The following FGD5 variants were observed in gnomAD, a reference collection of about 807,000 sequenced individuals.
FGD5 encodes the protein FYVE, RhoGEF and PH domain-containing protein 5.
FGD5 carries 28 observed loss-of-function variants against 133.4 expected under a neutral mutation model. The observed-to-expected ratio is 0.21, with a 90% CI of 0.16 to 0.29. FGD5 has a LOEUF of 0.29. Ranked by LOEUF, FGD5 falls within the 10% of genes least tolerant of loss-of-function variation. FGD5 has a pLI of 1.00. For synonymous variants in FGD5, 810 were observed against 776.5 expected (o/e 1.04, Z -0.72); for missense variants, 1,858 against 1,895.2 (o/e 0.98, Z 0.36).
intron 4 of FGD5, among the ~76,000 whole-genome samples, chr3:14,887,939 G>A (rs566755283): frequency 6.6e-6 from 1 of 152,050 alleles, no homozygotes; most frequent in African/African-American, 2.4e-5. Flanking sequence ...ACCAAGGCGG[G>A]AAGATTGTTT....
chr3:14,893,745 CTTTTTTCTTTTTTTTTTTTTT>C, intron 4 of FGD5, among the ~76,000 whole-genome samples: 1 of 89,140 alleles, frequency 1.1e-5, no homozygotes, highest in South Asian at 3.7e-4. Flanking sequence ...TCTTTCTTTT[CTTTTTTCTTTTTTTTTTTTTT>C]TTTTTTGAGA....
chr3:14,826,914 A>C (rs1447505784), intron 1 of FGD5, among the ~76,000 whole-genome samples: 1 of 152,160 alleles, frequency 6.6e-6, no homozygotes, highest in Non-Finnish European at 1.5e-5. Flanking sequence ...ACTTCCCATG[A>C]GATGGGTTCA....
In FGD5 at chr3:14,864,005, A is replaced by G. The variant is rs1259004675; in HGVS notation, c.2526-123A>G. On this transcript the variant is annotated intron_variant, in intron 1 of 19. Transcript: ENST00000285046. ...TGTGGCTGGGGGTGGGGAAGTAGGAATTTTGTGCCTGAGTCTTACTACTTG... is the reference window on the plus strand; with the variant it reads ...TGTGGCTGGGGGTGGGGAAGTAGGAGTTTTGTGCCTGAGTCTTACTACTTG... The G allele has an allele frequency of 1.5e-5, 21 of 1,382,452 alleles. 1 individual carries two copies. The highest frequency in any genetic ancestry group is 1.4e-4 in the South Asian group (10 of 70,132). 85.6% of individuals were successfully genotyped at this position (1,382,452 alleles called of 1,614,324 possible).
chr3:14,903,989 G>T (rs1575246322), intron 9 of FGD5, among the ~76,000 whole-genome samples: 3 of 152,318 alleles, frequency 2.0e-5, no homozygotes, highest in South Asian at 4.1e-4. Flanking sequence ...GAAATGTCTG[G>T]TGTTTTTCTC....
chr3:14,852,039 G>A (rs1386075363), intron 1 of FGD5, among the ~76,000 whole-genome samples: 2 of 152,134 alleles, frequency 1.3e-5, no homozygotes, highest in African/African-American at 4.8e-5. Flanking sequence ...GTACAGTCTG[G>A]TAGTTCTCAA....
intron 1 of FGD5, among the ~76,000 whole-genome samples, chr3:14,861,828 G>C (rs559243039): frequency 1.3e-5 from 2 of 152,264 alleles, no homozygotes; most frequent in African/African-American, 4.8e-5. Context: ...GAGCTCTTGG[G>C]GCCAAATCCC....
rs751514311 is a variant in FGD5 at position 14,922,580 on chromosome 3, A to C, written c.3807+32A>C. On this transcript the variant is annotated intron_variant, in intron 15 of 19. Coordinates refer to ENST00000285046, the MANE Select transcript of FGD5 (RefSeq NM_152536.4). This position sits in a 1 kb window ranked among gnomAD's most constrained non-coding sequence, Gnocchi z 4.1. ...CGCTGCATCTGGGGTGAGTGTGTGCATGGGGGTGGGGTGGGGGAAGGGCAT... is the reference window on the plus strand; with the variant it reads ...CGCTGCATCTGGGGTGAGTGTGTGCCTGGGGGTGGGGTGGGGGAAGGGCAT... The C allele has an allele frequency of 1.2e-6, 1 of 836,658 alleles. No individual in the cohort carries two copies. Among genetic ancestry groups the C allele is most frequent in the South Asian group, 1.4e-5 (1 of 71,386 alleles). 51.8% of individuals were successfully genotyped at this position (836,658 alleles called of 1,614,324 possible). A position where few individuals can be genotyped will look rare whatever the true frequency, so the allele number is the denominator to read the frequency against.
At chr3:14,861,396 T>G (rs555923787) in intron 1 of FGD5, among the ~76,000 whole-genome samples, 3 of 152,046 alleles carry the variant, frequency 2.0e-5, no homozygotes, top group Non-Finnish European at 4.4e-5. Context: ...GAGCATGAGC[T>G]CTCATCTCCG....
At chr3:14,879,733 G>T (rs879540314) in intron 2 of FGD5, among the ~76,000 whole-genome samples, 1 of 152,160 alleles carries the variant, frequency 6.6e-6, no homozygotes, top group Non-Finnish European at 1.5e-5. Context: ...GCTCAGAAAC[G>T]ATACCTAGCC....
rs1330727521 is a variant in FGD5 at position 14,820,757 on chromosome 3, G to A, written c.1686G>A (p.Val562=). ...AAGGCCGAGAGATTCCAGTGTCCGT[G>A]TACCAGGAGCCTGAGGGGTCAGGGT... ...SVEGREIPVS[V]YQEPEGSGLD... The change falls in exon 1 of 20, where the codon GTG becomes GTA. Residue 562 remains valine (V), a synonymous_variant. Transcript: ENST00000285046. 2 of 1,612,468 alleles carry A rather than the reference G, an allele frequency of 1.2e-6. No homozygotes were observed. The highest frequency in any genetic ancestry group is 1.3e-5 in the African/African-American group (1 of 74,818).
upstream of FGD5, among the ~76,000 whole-genome samples, chr3:14,815,650 C>T (rs570979023): frequency 2.0e-5 from 3 of 152,340 alleles, no homozygotes; most frequent in South Asian, 2.1e-4. Flanking sequence ...GAGCCCTGGA[C>T]GCAGCCTTAC....
chr3:14,902,458 G>A (rs11925504), intron 9 of FGD5, among the ~76,000 whole-genome samples: 84,491 of 151,654 alleles, frequency 0.56, 24,043 homozygotes, highest in African/African-American at 0.62. Flanking sequence ...GTGGCTAGGC[G>A]TTGGGGACAG....
rs561930903 is a variant in FGD5 at position 14,840,472 on chromosome 3, C to A, written c.2525+18876C>A. On this transcript the variant is annotated intron_variant, in intron 1 of 19. Coordinates refer to ENST00000285046, the MANE Select transcript of FGD5 (RefSeq NM_152536.4). ...CATTTATATTTCTATCTCCCTCCCC[C>A]CAACCCTCTACTTTTTCTAGACATA... is the stretch of plus-strand genomic sequence containing the variant. Among the ~76,000 whole-genome samples the A allele has an allele frequency of 6.6e-5, 10 of 152,222 alleles. No homozygotes were observed. In the East Asian group the frequency reaches 1.4e-3, roughly 21 times the overall value.
At chr3:14,914,362 T>A (rs1198670774) in intron 11 of FGD5, among the ~76,000 whole-genome samples, 1 of 152,200 alleles carries the variant, frequency 6.6e-6, no homozygotes, top group Non-Finnish European at 1.5e-5. Context: ...CCTGGTGGCT[T>A]CTTACAGTGG....
chr3:14,862,913 A>G lies in FGD5; in HGVS notation c.2526-1215A>G, dbSNP rs113718506. ...GGCAGAGCCCCAAGCTGCTTAGGCT[A>G]CAGGTACTCTGGGGTTGGGTACCTG... is the stretch of plus-strand genomic sequence containing the variant. On this transcript the variant is annotated intron_variant, in intron 1 of 19. Transcript: ENST00000285046. 4.7e-3 allele frequency among the ~76,000 whole-genome samples: 712 copies of G among 152,224 alleles called. 4 individuals carry two copies. The highest frequency in any genetic ancestry group is 0.016 in the African/African-American group (672 of 41,544).
intron 4 of FGD5, among the ~76,000 whole-genome samples, chr3:14,883,804 GTT>G (rs1420265131): frequency 1.3e-5 from 2 of 152,224 alleles, no homozygotes; most frequent in African/African-American, 4.8e-5. Context: ...CAGAACTGTA[GTT>G]TTGTGCAGAA....
intron 16 of FGD5, chr3:14,923,443 T>G (rs2038727160): frequency 2.1e-6 from 1 of 472,266 alleles, no homozygotes. Flanking sequence ...GGCAGGGAGC[T>G]CCTGTGTCCT....
At chr3:14,901,181 G>A in intron 9 of FGD5, 120 bp downstream of exon 9, 1 of 1,071,738 alleles carries the variant, frequency 9.3e-7, no homozygotes, top group Non-Finnish European at 1.4e-6. Flanking sequence ...TCTCTTGTGG[G>A]ACTCTGCAGA....
At chr3:14,864,030 G>A (rs2037448893) in intron 1 of FGD5, 98 bp from the exon 2 acceptor site, 2 of 1,526,950 alleles carry the variant, frequency 1.3e-6, no homozygotes, top group Admixed American at 2.0e-5. Flanking sequence ...CTTACTACTT[G>A]TTTTCTGTCC....
Sources: gnomAD v4.1 joint callset for allele counts (sites outside exome capture counted in the v4.1 genomes callset) on GRCh38, gnomAD v4.1.1 for gene constraint, Gnocchi (gnomAD v3.1) non-coding constraint, MANE v1.5 for transcripts, NCBI Gene and HGNC (gene_info 2026-07-23, HGNC 2026-07-21) for gene names.